ROBO2: variants seen among roughly 807,000 people sequenced by gnomAD.
ROBO2 encodes roundabout homolog 2.
Under a neutral mutation model 160.8 loss-of-function variants are expected in ROBO2, and 53 were observed. The ratio of observed to expected loss-of-function variants is 0.33; its 90% CI spans 0.26 to 0.41. The LOEUF (loss-of-function observed/expected upper bound fraction) is 0.41, where lower values mean the gene tolerates loss of function less well. ROBO2 is among the 10% of genes least tolerant of loss of function. ROBO2 has a pLI of 1.00. For missense variants in ROBO2, 1,577 were observed against 1,722.4 expected (o/e 0.92, Z 1.49); for synonymous variants, 664 against 611.7 (o/e 1.09, Z -1.26).
At chr3:77,375,805 A>G (rs894920905) in intron 2 of ROBO2, among the ~76,000 whole-genome samples, 1 of 149,482 alleles carries the variant, frequency 6.7e-6, no homozygotes, top group Non-Finnish European at 1.5e-5. Flanking sequence ...CTTTCCCACA[A>G]CTGTTCACTG....
chr3:76,681,109 T>G (rs1235709149), intron 2 of ROBO2, among the ~76,000 whole-genome samples: 1 of 152,214 alleles, frequency 6.6e-6, no homozygotes, highest in Non-Finnish European at 1.5e-5. Context: ...GTTATATTAT[T>G]GTCTAAAACT....
At chr3:76,756,832 G>T (rs916005765) in intron 2 of ROBO2, among the ~76,000 whole-genome samples, 1 of 151,756 alleles carries the variant, frequency 6.6e-6, no homozygotes, top group East Asian at 2.0e-4. Flanking sequence ...TTCGTTGAAC[G>T]AAGTAGGGAT....
chr3:77,246,093 T>C (rs527976105), intron 2 of ROBO2, among the ~76,000 whole-genome samples: 26 of 152,318 alleles, frequency 1.7e-4, no homozygotes, highest in Admixed American at 3.9e-4. Flanking sequence ...GTTAAAAATA[T>C]ATAGTGTAGA....
chr3:76,607,378 G>T (rs1464142467), intron 2 of ROBO2, among the ~76,000 whole-genome samples: 1 of 152,164 alleles, frequency 6.6e-6, no homozygotes, highest in Non-Finnish European at 1.5e-5. Context: ...ACATTCAAAA[G>T]AAATATTTCT....
At chr3:76,605,839 A>G (rs2087607816) in intron 2 of ROBO2, among the ~76,000 whole-genome samples, 2 of 152,136 alleles carry the variant, frequency 1.3e-5, no homozygotes, top group African/African-American at 4.8e-5. Flanking sequence ...GGGAGAAAAT[A>G]CACTTTGGAA....
intron 2 of ROBO2, among the ~76,000 whole-genome samples, chr3:77,349,511 CT>C (rs1418443956): frequency 6.6e-6 from 1 of 152,150 alleles, no homozygotes; most frequent in African/African-American, 2.4e-5. Flanking sequence ...TAATGAGTCA[CT>C]TACCTTAAAG....
At chr3:76,811,838 T>TTCC (rs2065206592) in intron 2 of ROBO2, among the ~76,000 whole-genome samples, 1 of 33,442 alleles carries the variant, frequency 3.0e-5, no homozygotes, top group Non-Finnish European at 5.5e-5. Context: ...TCCTTCCTTC[T>TTCC]TTCCTTCCTT....
intron 2 of ROBO2, among the ~76,000 whole-genome samples, chr3:76,391,353 G>A (rs2077141099): frequency 1.3e-5 from 2 of 152,262 alleles, no homozygotes; most frequent in South Asian, 4.1e-4. Flanking sequence ...AATAACATCT[G>A]CAACGGACGG....
chr3:77,215,429 A>T (rs1199776243), intron 2 of ROBO2, among the ~76,000 whole-genome samples: 1 of 152,110 alleles, frequency 6.6e-6, no homozygotes, highest in Non-Finnish European at 1.5e-5. Context: ...TTTCAGCTCC[A>T]TCAGGTCCTT....
chr3:77,371,033 G>A (rs147831930), intron 2 of ROBO2, among the ~76,000 whole-genome samples: 17 of 152,244 alleles, frequency 1.1e-4, no homozygotes, highest in African/African-American at 1.9e-4. Flanking sequence ...GAAAAAGAGC[G>A]GATATGAGAA....
At chr3:77,086,165 G>T (rs1349709655) in intron 1 of ROBO2, among the ~76,000 whole-genome samples, 1 of 152,036 alleles carries the variant, frequency 6.6e-6, no homozygotes, top group South Asian at 2.1e-4. Flanking sequence ...ATAGATCGTG[G>T]TTCATTGTTT....
At chr3:76,351,159 A>T (rs1350376686) in intron 2 of ROBO2, among the ~76,000 whole-genome samples, 1 of 151,962 alleles carries the variant, frequency 6.6e-6, no homozygotes, top group Non-Finnish European at 1.5e-5. Flanking sequence ...TAGGTAAAAA[A>T]ATTGAACCAC....
chr3:77,181,731 C>T (rs2080806415), intron 2 of ROBO2, among the ~76,000 whole-genome samples: 1 of 151,960 alleles, frequency 6.6e-6, no homozygotes, highest in Non-Finnish European at 1.5e-5. Context: ...TAGTGTTTTT[C>T]AGAATGTATC....
chr3:77,500,165 G>T (rs2087375925), intron 5 of ROBO2, among the ~76,000 whole-genome samples: 1 of 152,132 alleles, frequency 6.6e-6, no homozygotes, highest in Non-Finnish European at 1.5e-5. Flanking sequence ...ATAAAAAGAT[G>T]TGTAATGTTA....
At chr3:76,435,700 A>G (rs879081001) in intron 2 of ROBO2, among the ~76,000 whole-genome samples, 3 of 152,288 alleles carry the variant, frequency 2.0e-5, no homozygotes, top group South Asian at 4.1e-4. Flanking sequence ...GACTAGGACT[A>G]TGATGCATTT....
At chr3:75,940,888 T>C (rs905999962) in intron 2 of ROBO2, among the ~76,000 whole-genome samples, 2 of 151,972 alleles carry the variant, frequency 1.3e-5, no homozygotes, top group Non-Finnish European at 2.9e-5. Flanking sequence ...CCCAACTCAT[T>C]TACAGGATTC....
chr3:76,215,564 T>A (rs1231284067), intron 2 of ROBO2, among the ~76,000 whole-genome samples: 2 of 152,022 alleles, frequency 1.3e-5, no homozygotes, highest in Non-Finnish European at 2.9e-5. Context: ...GTATCAGCAA[T>A]GGAAGATGAA....
At chr3:76,013,674 G>A (rs1193178531) in intron 2 of ROBO2, among the ~76,000 whole-genome samples, 1 of 151,494 alleles carries the variant, frequency 6.6e-6, no homozygotes, top group Non-Finnish European at 1.5e-5. Flanking sequence ...GAAGTAATAT[G>A]TATAAAGGCA....
chr3:76,063,695 T>A (rs914150800), intron 2 of ROBO2, among the ~76,000 whole-genome samples: 1 of 152,120 alleles, frequency 6.6e-6, no homozygotes, highest in African/African-American at 2.4e-5. Flanking sequence ...GCTAAGCTTA[T>A]TCATATACTG....
Sources: allele counts gnomAD v4.1 joint callset (sites outside exome capture counted in the v4.1 genomes callset), GRCh38; gene constraint gnomAD v4.1.1; transcripts MANE v1.5; gene names NCBI Gene and HGNC (gene_info 2026-07-23, HGNC 2026-07-21).